MAGI2: variants seen among roughly 807,000 people sequenced by gnomAD.
The protein encoded by MAGI2 is membrane-associated guanylate kinase, WW and PDZ domain-containing protein 2.
Under a neutral mutation model 133.3 loss-of-function variants are expected in MAGI2, and 35 were observed. That is an observed-to-expected ratio of 0.26 (90% CI 0.20 to 0.35). MAGI2 has a LOEUF of 0.35. Ranked by LOEUF, MAGI2 falls within the 10% of genes least tolerant of loss-of-function variation. The pLI, the probability that MAGI2 is intolerant of heterozygous loss-of-function variation, is 1.00. For missense variants in MAGI2, 1,636 were observed against 1,863.4 expected (o/e 0.88, Z 2.25); for synonymous variants, 729 against 710.6 (o/e 1.03, Z -0.41).
At chr7:79,357,918 T>C (rs753236019) in intron 1 of MAGI2, among the ~76,000 whole-genome samples, 4 of 152,138 alleles carry the variant, frequency 2.6e-5, no homozygotes, top group Admixed American at 6.5e-5. Context: ...AAAATGCAAA[T>C]AAAATTATTA....
intron 2 of MAGI2, among the ~76,000 whole-genome samples, chr7:78,738,631 C>A (rs978189529): frequency 2.0e-5 from 3 of 152,106 alleles, no homozygotes; most frequent in Non-Finnish European, 2.9e-5. Flanking sequence ...AATTTATTAG[C>A]AGTTGCTCCA....
At chr7:78,868,822 C>T (rs533788057) in intron 2 of MAGI2, among the ~76,000 whole-genome samples, 213 of 151,960 alleles carry the variant, frequency 1.4e-3, no homozygotes, top group African/African-American at 4.7e-3. Context: ...GGCGAGATCT[C>T]GGCTTACTGC....
chr7:78,521,600 A>G lies in MAGI2; in HGVS notation c.584T>C (p.Leu195Ser). The G allele has an allele frequency of 6.2e-7, 1 of 1,614,066 alleles. No individual in the cohort carries two copies. The highest frequency in any genetic ancestry group is 8.5e-7 in the Non-Finnish European group (1 of 1,180,010). Residue 195 changes from leucine to serine, a missense_variant, in exon 4 of 22, where the codon TTA becomes TCA. This residue lies in a region of MAGI2 where 165 missense variants were observed against 128.4 expected (regional missense o/e 1.28). Transcript: ENST00000354212. ...TPKPPAEPAP[L>S]LLNVTDQILP... ...TATCTGGTCTGTTACATTTAACAATAATGGTGCTGGTTCTGCTGGCGGCTT... is the reference window on the plus strand; with the variant it reads ...TATCTGGTCTGTTACATTTAACAATGATGGTGCTGGTTCTGCTGGCGGCTT...
intron 17 of MAGI2, among the ~76,000 whole-genome samples, chr7:78,133,273 C>A (rs1821757596): frequency 6.6e-6 from 1 of 152,118 alleles, no homozygotes. Flanking sequence ...CAGAACAAGG[C>A]TATGAACAGT....
At chr7:79,269,344 C>T (rs534012532) in intron 1 of MAGI2, among the ~76,000 whole-genome samples, 2 of 152,200 alleles carry the variant, frequency 1.3e-5, no homozygotes. Flanking sequence ...TCTCATATAG[C>T]TGCTTATTTC....
chr7:78,167,895 C>G lies in MAGI2; in HGVS notation c.2596+21G>C, dbSNP rs776031969. On this transcript the variant is annotated intron_variant, in intron 15 of 21. Coordinates refer to ENST00000354212, the MANE Select transcript of MAGI2 (RefSeq NM_012301.4). ...CTTACCACCTAACCCTCGATTCCTG[C>G]AGCAGGCTCCAGGTACATACCTCCA... 4.0e-5 allele frequency: 64 copies of G among 1,600,346 alleles called. No individual in the cohort carries two copies. In the Admixed American group the frequency reaches 1.1e-3, roughly 26 times the overall value.
At chr7:78,642,308 G>C (rs1020073105) in intron 2 of MAGI2, among the ~76,000 whole-genome samples, 2 of 152,146 alleles carry the variant, frequency 1.3e-5, no homozygotes, top group African/African-American at 4.8e-5. Flanking sequence ...TATACACATA[G>C]CTTTTAAGTT....
At chr7:78,448,965 A>G (rs113964780) in intron 6 of MAGI2, among the ~76,000 whole-genome samples, 5,228 of 152,116 alleles carry the variant, frequency 0.034, 138 homozygotes, top group Middle Eastern at 0.095. Flanking sequence ...AGTGTGGGCG[A>G]TTCAGCAGGT....
intron 14 of MAGI2, among the ~76,000 whole-genome samples, chr7:78,172,398 G>C (rs1390092457): frequency 6.6e-6 from 1 of 152,146 alleles, no homozygotes; most frequent in Non-Finnish European, 1.5e-5. Flanking sequence ...CAAAGACTAG[G>C]TCTGTCATCG....
At chr7:78,630,626 A>G (rs1808881168) in intron 2 of MAGI2, among the ~76,000 whole-genome samples, 1 of 151,868 alleles carries the variant, frequency 6.6e-6, no homozygotes, top group Admixed American at 6.6e-5. Flanking sequence ...TGTGTTGGCC[A>G]GGCTGGTCTC....
At chr7:78,826,775 G>T (rs1790691133) in intron 2 of MAGI2, among the ~76,000 whole-genome samples, 1 of 152,130 alleles carries the variant, frequency 6.6e-6, no homozygotes, top group Non-Finnish European at 1.5e-5. Flanking sequence ...GGGAAAAGGT[G>T]ATGACCTAAG....
At chr7:78,061,082 T>C (rs1813190940) in intron 21 of MAGI2, among the ~76,000 whole-genome samples, 1 of 149,446 alleles carries the variant, frequency 6.7e-6, no homozygotes, top group Non-Finnish European at 1.5e-5. Flanking sequence ...GAGAATTGCC[T>C]GAACCCAGAA....
intron 1 of MAGI2, among the ~76,000 whole-genome samples, chr7:79,070,346 T>G (rs1202635117): frequency 6.6e-6 from 1 of 151,836 alleles, no homozygotes; most frequent in Admixed American, 6.6e-5. Context: ...TCACTTTATT[T>G]CATTAAGTTG....
At chr7:79,193,729 C>T (rs1279689263) in intron 1 of MAGI2, among the ~76,000 whole-genome samples, 1 of 151,704 alleles carries the variant, frequency 6.6e-6, no homozygotes, top group East Asian at 1.9e-4. Flanking sequence ...GTACTTTCTC[C>T]CCCCACCACT....
chr7:78,654,764 T>C (rs1811988562), intron 2 of MAGI2, among the ~76,000 whole-genome samples: 2 of 144,060 alleles, frequency 1.4e-5, no homozygotes, highest in African/African-American at 5.1e-5. Flanking sequence ...ATATTTTGCA[T>C]CGCAACTGGA....
chr7:78,768,258 C>G (rs1445537486), intron 2 of MAGI2, among the ~76,000 whole-genome samples: 1 of 152,150 alleles, frequency 6.6e-6, no homozygotes, highest in Non-Finnish European at 1.5e-5. Flanking sequence ...CTTGGTAATC[C>G]TCTTAGGAAC....
At chr7:79,147,346 G>A (rs1585044352) in intron 1 of MAGI2, among the ~76,000 whole-genome samples, 1 of 152,114 alleles carries the variant, frequency 6.6e-6, no homozygotes, top group African/African-American at 2.4e-5. Context: ...CCCAAATAAA[G>A]CCCAAGCTTG....
At chr7:78,500,290 A>G (rs1201906320) in intron 5 of MAGI2, among the ~76,000 whole-genome samples, 1 of 152,230 alleles carries the variant, frequency 6.6e-6, no homozygotes, top group East Asian at 1.9e-4. Context: ...TGGAAAAGAA[A>G]ATCCAGTGTT....
At chr7:79,405,211 A>G (rs1203290045) in intron 1 of MAGI2, among the ~76,000 whole-genome samples, 2 of 152,174 alleles carry the variant, frequency 1.3e-5, no homozygotes, top group African/African-American at 4.8e-5. Context: ...ATAACTTTAA[A>G]TATTTAAACT....
Sources: allele counts gnomAD v4.1 joint callset (sites outside exome capture counted in the v4.1 genomes callset), GRCh38; gene constraint gnomAD v4.1.1; regional missense constraint gnomAD v4.1.1; transcripts MANE v1.5; gene names NCBI Gene and HGNC (gene_info 2026-07-23, HGNC 2026-07-21).